The following MYO9A variants were observed in gnomAD, a reference collection of about 807,000 sequenced individuals.
MYO9A encodes unconventional myosin-IXa.
Under a neutral mutation model 293.3 loss-of-function variants are expected in MYO9A, and 103 were observed. That is an observed-to-expected ratio of 0.35 (90% confidence interval 0.30 to 0.41). The LOEUF is 0.41. Ranked by LOEUF, MYO9A falls within the 10% of genes least tolerant of loss-of-function variation. The pLI is 1.00. For synonymous variants in MYO9A, 1,001 were observed against 1,035.7 expected, an observed-to-expected ratio of 0.97 and a Z score of 0.64; for missense variants, 2,685 against 3,033.0, an observed-to-expected ratio of 0.89 and a Z score of 2.69.
intron 11 of MYO9A, among the ~76,000 whole-genome samples, chr15:71,979,525 T>C (rs2076221153): frequency 6.6e-6 from 1 of 152,212 alleles, no homozygotes; most frequent in Non-Finnish European, 1.5e-5. Context: ...TGGAATCACA[T>C]AACACATACT....
At chr15:71,870,741 T>TGTAA (rs1466348251) in intron 32 of MYO9A, among the ~76,000 whole-genome samples, 1 of 152,208 alleles carries the variant, frequency 6.6e-6, no homozygotes, top group African/African-American at 2.4e-5. Context: ...TCTAGATTAC[T>TGTAA]TACAATGCCT....
chr15:71,912,245 TAA>T (rs1039208485), intron 19 of MYO9A, among the ~76,000 whole-genome samples: 4 of 151,152 alleles, frequency 2.6e-5, no homozygotes, highest in Non-Finnish European at 5.9e-5. Flanking sequence ...CCAATTATTT[TAA>T]AAAGAGAAAA....
chr15:72,039,156 T>C (rs1403918795), intron 2 of MYO9A, among the ~76,000 whole-genome samples: 1 of 152,218 alleles, frequency 6.6e-6, no homozygotes, highest in East Asian at 1.9e-4. Context: ...AATTCACAAA[T>C]CTTTATTGAG....
At chr15:71,948,426 C>T (rs1323940581) in intron 15 of MYO9A, among the ~76,000 whole-genome samples, 1 of 152,050 alleles carries the variant, frequency 6.6e-6, no homozygotes, top group African/African-American at 2.4e-5. Context: ...TAGTTTTTAA[C>T]TGAGGAGAAA....
chr15:71,998,656 C>A (rs2076776511), intron 9 of MYO9A, among the ~76,000 whole-genome samples: 1 of 148,440 alleles, frequency 6.7e-6, no homozygotes, highest in Non-Finnish European at 1.5e-5. Context: ...TATACATGTG[C>A]CATGCTGGCG....
intron 15 of MYO9A, among the ~76,000 whole-genome samples, chr15:71,951,002 A>G (rs186824764): frequency 3.9e-5 from 6 of 152,218 alleles, no homozygotes; most frequent in Non-Finnish European, 7.4e-5. Context: ...ATGCAGAATG[A>G]GTACAACAAA....
intron 4 of MYO9A, among the ~76,000 whole-genome samples, chr15:72,025,561 G>T (rs529133411): frequency 6.6e-6 from 1 of 152,168 alleles, no homozygotes; most frequent in East Asian, 1.9e-4. Flanking sequence ...TGTTAGCCAG[G>T]CTGGTCTAAA....
chr15:71,898,917 C>A lies in MYO9A; in HGVS notation c.3586G>T (p.Asp1196Tyr), dbSNP rs1275048215. Residue 1196 changes from aspartate (D) to tyrosine (Y), a missense_variant, in exon 25 of 42, where the codon GAT becomes TAT. Around this residue, in one of 10 missense-constraint regions of MYO9A, gnomAD observed 1,434 missense variants for 1,497.7 expected, o/e 0.96. Coordinates refer to ENST00000356056, the MANE Select transcript of MYO9A (RefSeq NM_006901.4). Reference protein sequence around the residue: ...IQGSDPSGWEDCSFDNRIKAI... With the variant: ...IQGSDPSGWEYCSFDNRIKAI... ...TTTATTCTGTTGTCAAAAGAACAAT[C>A]CTCCCATCCTGAAGGGTCTGAACCC... The A allele has an allele frequency of 6.2e-7, 1 of 1,614,054 alleles. No individual in the cohort carries two copies. Among genetic ancestry groups the A allele is most frequent in the South Asian group, 1.1e-5 (1 of 91,074 alleles).
chr15:71,836,812 A>G (rs569622189), intron 39 of MYO9A, among the ~76,000 whole-genome samples: 19 of 152,088 alleles, frequency 1.2e-4, no homozygotes, highest in Non-Finnish European at 2.5e-4. Flanking sequence ...AAATAAAGTA[A>G]GTCATTAATG....
intron 2 of MYO9A, among the ~76,000 whole-genome samples, chr15:72,034,218 T>C (rs1293649061): frequency 6.6e-6 from 1 of 152,184 alleles, no homozygotes; most frequent in African/African-American, 2.4e-5. Context: ...TTCAAATTCT[T>C]GGGTCCCTCA....
chr15:72,009,791 T>C (rs2077121055), intron 7 of MYO9A, among the ~76,000 whole-genome samples: 1 of 152,204 alleles, frequency 6.6e-6, no homozygotes, highest in Non-Finnish European at 1.5e-5. Context: ...TAAGTAACTA[T>C]TTCTTTCTGG....
At chr15:71,899,476 T>C (rs1393914644) in intron 24 of MYO9A, among the ~76,000 whole-genome samples, 1 of 152,242 alleles carries the variant, frequency 6.6e-6, no homozygotes, top group Non-Finnish European at 1.5e-5. Context: ...ACAGACCATG[T>C]AGATTTTCAA....
intron 9 of MYO9A, among the ~76,000 whole-genome samples, chr15:71,997,990 G>C (rs984176031): frequency 2.0e-5 from 3 of 152,124 alleles, no homozygotes; most frequent in Non-Finnish European, 2.9e-5. Context: ...CAAAGGAATA[G>C]AAATCATTCT....
At chr15:71,834,252 A>G (rs1363502684) in intron 39 of MYO9A, among the ~76,000 whole-genome samples, 1 of 152,144 alleles carries the variant, frequency 6.6e-6, no homozygotes, top group African/African-American at 2.4e-5. Context: ...ATTTCTATGA[A>G]AATCTAATTA....
In MYO9A at chr15:71,960,007, A is replaced by G. The variant is rs757478015; in HGVS notation, c.2076T>C (p.Ile692=). The G allele has an allele frequency of 2.5e-6, 4 of 1,614,160 alleles. No homozygotes were observed. Among genetic ancestry groups the G allele is most frequent in the Non-Finnish European group, 2.5e-6 (3 of 1,179,996 alleles). Residue 692 remains isoleucine (I), a synonymous_variant, in exon 14 of 42, where the codon ATT becomes ATC. Coordinates refer to ENST00000356056, the MANE Select transcript of MYO9A (RefSeq NM_006901.4). ...SSKNAFISGM[I]GIDPVAVFRW... ...GGAAAACAGCTACAGGATCAATTCCAATCATCCCAGAGATAAATGCATTCT... is the reference window on the plus strand; with the variant it reads ...GGAAAACAGCTACAGGATCAATTCCGATCATCCCAGAGATAAATGCATTCT...
intron 39 of MYO9A, among the ~76,000 whole-genome samples, chr15:71,840,750 C>T (rs529348914): frequency 6.6e-6 from 1 of 152,298 alleles, no homozygotes; most frequent in South Asian, 2.1e-4. Flanking sequence ...CTGCCTCAGC[C>T]TCCTGAGTAG....
At chr15:71,877,922 G>T in intron 31 of MYO9A, 118 bp downstream of exon 31, 1 of 799,316 alleles carries the variant, frequency 1.3e-6, no homozygotes, top group Non-Finnish European at 1.9e-6. Flanking sequence ...CATGTTCCCT[G>T]TAATGTTTTT....
intron 19 of MYO9A, among the ~76,000 whole-genome samples, chr15:71,912,685 T>C (rs2057895258): frequency 6.6e-6 from 1 of 152,258 alleles, no homozygotes; most frequent in African/African-American, 2.4e-5. Context: ...TCTGATATTA[T>C]AGATCTGCTG....
At chr15:71,949,208 T>G (rs1294405123) in intron 15 of MYO9A, among the ~76,000 whole-genome samples, 3 of 151,964 alleles carry the variant, frequency 2.0e-5, no homozygotes, top group East Asian at 1.9e-4. Context: ...AAGCTAGTGT[T>G]TGTTTGTTTG....
Sources: gnomAD v4.1 joint callset for allele counts (sites outside exome capture counted in the v4.1 genomes callset) on GRCh38, gnomAD v4.1.1 for gene constraint, gnomAD v4.1.1 regional missense constraint, MANE v1.5 for transcripts, NCBI Gene and HGNC (gene_info 2026-07-23, HGNC 2026-07-21) for gene names.